RPS6KA6: variants seen among roughly 807,000 people sequenced by gnomAD.
RPS6KA6 encodes the protein ribosomal protein S6 kinase A6.
A neutral mutation model predicts 65.4 loss-of-function variants in RPS6KA6; 27 were observed. That is an observed-to-expected ratio of 0.41 (90% CI 0.30 to 0.57). The LOEUF is 0.57. Ranked by LOEUF, RPS6KA6 falls within the 20% of genes least tolerant of loss-of-function variation. The pLI, the probability that RPS6KA6 is intolerant of heterozygous loss-of-function variation, is 0.24. For synonymous variants in RPS6KA6, 190 were observed against 184.2 expected, an observed-to-expected ratio of 1.03 and a Z score of -0.26; for missense variants, 486 against 555.6, an observed-to-expected ratio of 0.87 and a Z score of 1.26.
intron 4 of RPS6KA6, among the ~76,000 whole-genome samples, chrX:84,147,587 T>C (rs1378100762): frequency 1.8e-5 from 2 of 111,691 alleles, no homozygotes; most frequent in African/African-American, 6.5e-5. Flanking sequence ...GCTGGGATTA[T>C]AGGTGTGAGC....
intron 1 of RPS6KA6, among the ~76,000 whole-genome samples, chrX:84,182,036 G>T (rs867818157): frequency 1.1e-5 from 1 of 89,655 alleles, no homozygotes; most frequent in Non-Finnish European, 2.2e-5. Context: ...CTCTTTCTCT[G>T]TCTCTCTCTC....
At chrX:84,123,698 G>T (rs1261644840) in intron 8 of RPS6KA6, among the ~76,000 whole-genome samples, 1 of 112,102 alleles carries the variant, frequency 8.9e-6, no homozygotes, top group Non-Finnish European at 1.9e-5. Flanking sequence ...AAATTTCTAA[G>T]GTATTTGACT....
intron 8 of RPS6KA6, among the ~76,000 whole-genome samples, chrX:84,124,396 C>A (rs187097881): frequency 9.0e-6 from 1 of 111,187 alleles, no homozygotes; most frequent in Admixed American, 9.6e-5. Flanking sequence ...GGAAACTCAA[C>A]GAAACTAAAG....
intron 12 of RPS6KA6, among the ~76,000 whole-genome samples, chrX:84,110,017 C>A (rs1220254093): frequency 2.7e-5 from 3 of 111,530 alleles, no homozygotes; most frequent in Non-Finnish European, 3.8e-5. Context: ...GTGATATCTA[C>A]AGAAAGCAGA....
intron 20 of RPS6KA6, among the ~76,000 whole-genome samples, chrX:84,078,156 A>C (rs1270412672): frequency 8.9e-6 from 1 of 112,296 alleles, no homozygotes; most frequent in Non-Finnish European, 1.9e-5. Context: ...CCAGTGAAAA[A>C]GGGAAAGGTA....
At chrX:84,166,543 T>C (rs999830660) in intron 1 of RPS6KA6, among the ~76,000 whole-genome samples, 3 of 111,195 alleles carry the variant, frequency 2.7e-5, no homozygotes, top group East Asian at 2.8e-4. Flanking sequence ...TCATCCAATA[T>C]GAAGAAAAGA....
chrX:84,067,250 G>A (rs2033425722), intron 20 of RPS6KA6, among the ~76,000 whole-genome samples: 1 of 111,687 alleles, frequency 9.0e-6, no homozygotes, highest in African/African-American at 3.3e-5. Flanking sequence ...TCTCCAGCAA[G>A]GGCATAAAAC....
rs2035950919 is a variant in RPS6KA6, at chrX:84,187,998, C to CGCCGCCGCT, written c.-100_-99insAGCGGCGGC. The CGCCGCCGCT allele has an allele frequency of 1.8e-6, 1 of 569,419 alleles. No individual in the cohort carries two copies. The highest frequency in any genetic ancestry group is 2.8e-5 in the African/African-American group (1 of 36,254). The allele number at this position is 569,419 out of a possible 1,213,427, so 46.9% of individuals were successfully genotyped here. ...GGCCCGCCGCCGCCGCCGCCGCCGC[C>CGCCGCCGCT]GCCGCCGCCGCGACCCCCAGCCCCG... is the stretch of plus-strand genomic sequence containing the variant. On this transcript the variant is annotated 5_prime_UTR_variant, in exon 1 of 22. Coordinates refer to ENST00000262752, the MANE Select transcript of RPS6KA6 (RefSeq NM_014496.5).
At chrX:84,154,215 C>T (rs1320559226) in intron 3 of RPS6KA6, among the ~76,000 whole-genome samples, 3 of 111,272 alleles carry the variant, frequency 2.7e-5, no homozygotes, top group African/African-American at 9.8e-5. Flanking sequence ...ACCCTTATGT[C>T]ATGCTTTTGT....
chrX:84,169,995 A>G (rs2035655086), intron 1 of RPS6KA6, among the ~76,000 whole-genome samples: 1 of 108,211 alleles, frequency 9.2e-6, no homozygotes, highest in Admixed American at 9.9e-5. Context: ...ACATGGTGAA[A>G]CCCGTCTCTA....
At chrX:84,174,438 CT>C (rs779134946) in intron 1 of RPS6KA6, among the ~76,000 whole-genome samples, 3 of 111,012 alleles carry the variant, frequency 2.7e-5, no homozygotes, top group East Asian at 2.8e-4. Context: ...AAAGAGATGT[CT>C]TTTTTTTAAA....
At position 84,116,244 on chromosome X, in the gene RPS6KA6, T is replaced by A. The variant is rs759039453; in HGVS notation, c.993A>T (p.Ala331=). 22 of 1,138,859 alleles carry A rather than the reference T, an allele frequency of 1.9e-5. 1 individual carries two copies. The Middle Eastern group carries it at 7.3e-4, about 38-fold the overall frequency. 93.9% of individuals were successfully genotyped at this position (1,138,859 alleles called of 1,213,427 possible). A position where few individuals can be genotyped will look rare whatever the true frequency, so the allele number is the denominator to read the frequency against. Residue 331 remains alanine (A), a synonymous_variant, in exon 12 of 22, where the codon GCA becomes GCT. Coordinates refer to ENST00000262752, the MANE Select transcript of RPS6KA6 (RefSeq NM_014496.5). ...CTTAACTTACATCCCAGTCAATATT[T>A]GCAAAAAACAGATGTCTTTTGATTT... ...VEEIKRHLFF[A]NIDWDKLYKR...
At chrX:84,116,992 C>A in intron 11 of RPS6KA6, 68 bp downstream of exon 11, 1 of 709,401 alleles carries the variant, frequency 1.4e-6, no homozygotes, top group African/African-American at 2.2e-5. Context: ...AACAAGAAAA[C>A]ATAAAGATTT....
In RPS6KA6 at chrX:84,103,509, G is replaced by A. The variant is rs373039681; in HGVS notation, c.1614+990C>T. On this transcript the variant is annotated intron_variant, in intron 17 of 21. Coordinates refer to ENST00000262752, the MANE Select transcript of RPS6KA6 (RefSeq NM_014496.5). ...AAAGCTCTTTAAGGACAAGGACCAG[G>A]TCTCACTCATGTTTGAATCCACAAC... 2.0e-4 allele frequency among the ~76,000 whole-genome samples: 22 copies of A among 110,987 alleles called. No homozygotes were observed. The South Asian group carries it at 8.3e-3, about 42-fold the overall frequency.
At chrX:84,150,902 G>GATAT (rs200442191) in intron 3 of RPS6KA6, among the ~76,000 whole-genome samples, 305 of 72,622 alleles carry the variant, frequency 4.2e-3, no homozygotes, top group East Asian at 0.016. Flanking sequence ...ATATATATAG[G>GATAT]ATATATAGAG....
At chrX:84,101,445 C>T (rs1317432593) in intron 18 of RPS6KA6, among the ~76,000 whole-genome samples, 1 of 110,525 alleles carries the variant, frequency 9.0e-6, no homozygotes, top group African/African-American at 3.3e-5. Flanking sequence ...TTTCCTGATT[C>T]TTCACCCTAA....
intron 20 of RPS6KA6, among the ~76,000 whole-genome samples, chrX:84,085,641 G>A (rs2033902748): frequency 9.0e-6 from 1 of 111,692 alleles, no homozygotes; most frequent in Admixed American, 9.5e-5. Flanking sequence ...GGAGTTATTT[G>A]TTGTTGTTAC....
chrX:84,157,106 A>T (rs2035428632), intron 2 of RPS6KA6, among the ~76,000 whole-genome samples: 1 of 112,041 alleles, frequency 8.9e-6, no homozygotes, highest in Non-Finnish European at 1.9e-5. Flanking sequence ...TCTTCAATTA[A>T]CTGATTAGTC....
intron 20 of RPS6KA6, among the ~76,000 whole-genome samples, chrX:84,091,740 G>GT (rs1228148847): frequency 8.9e-6 from 1 of 111,842 alleles, no homozygotes; most frequent in Non-Finnish European, 1.9e-5. Flanking sequence ...ATACATGCAC[G>GT]TGTATGTTCA....
Sources: allele counts gnomAD v4.1 joint callset (sites outside exome capture counted in the v4.1 genomes callset), GRCh38; gene constraint gnomAD v4.1.1; transcripts MANE v1.5; gene names NCBI Gene and HGNC (gene_info 2026-07-23, HGNC 2026-07-21).